The following ADAMTSL4 variants were observed in gnomAD, a reference collection of about 807,000 sequenced individuals.
The protein encoded by ADAMTSL4 is ADAMTS like 4.
A neutral mutation model predicts 122.8 loss-of-function variants in ADAMTSL4; 97 were observed. The observed-to-expected ratio is 0.79, with a 90% CI of 0.67 to 0.93. The LOEUF is 0.93. Ranked by LOEUF, ADAMTSL4 falls within the 40% of genes least tolerant of loss-of-function variation. The pLI is 0.00. For synonymous variants in ADAMTSL4, 592 were observed against 568.0 expected (o/e 1.04, Z -0.60); for missense variants, 1,408 against 1,453.5 (o/e 0.97, Z 0.51).
rs2101630315 is a variant in ADAMTSL4 at position 150,556,852 on chromosome 1, G to A, written c.1749+59G>A. ...GGAGGGAGGCTGTTCCCTCTGGGCA[G>A]AGCTGTGGTTGTCAAGATGGGAGAG... On this transcript the variant is annotated intron_variant, in intron 10 of 18. Coordinates refer to ENST00000271643, the MANE Select transcript of ADAMTSL4 (RefSeq NM_019032.6). This position sits in a 1 kb window ranked among gnomAD's most constrained non-coding sequence, Gnocchi z 4.1. 1.9e-6 allele frequency: 3 copies of A among 1,611,980 alleles called. No individual in the cohort carries two copies. Among genetic ancestry groups the A allele is most frequent in the East Asian group, 4.5e-5 (2 of 44,826 alleles).
rs587633196 is a variant in ADAMTSL4, at chr1:150,549,861, G to C, written c.-119G>C. 2.3e-4 allele frequency: 47 copies of C among 200,214 alleles called. No homozygotes were observed. In the South Asian group the frequency reaches 3.4e-3, roughly 15 times the overall value. The allele number at this position is 200,214 out of a possible 1,614,324, so 12.4% of individuals were successfully genotyped here. ...ACGGTGTGTCCCCCACTGCACTCCT[G>C]AACTTGGAGGACAGGGTCGCCGCGA... On this transcript the variant is annotated 5_prime_UTR_variant, in exon 2 of 19. Coordinates refer to ENST00000271643, the MANE Select transcript of ADAMTSL4 (RefSeq NM_019032.6). This position sits in a 1 kb window ranked among gnomAD's most constrained non-coding sequence, Gnocchi z 5.0.
intron 2 of ADAMTSL4, 178 bp downstream of exon 2, chr1:150,550,073 A>T (rs1671240011): frequency 2.7e-6 from 1 of 365,600 alleles, no homozygotes; most frequent in South Asian, 2.0e-5. Context: ...ACCACTCTCC[A>T]GCAGGGAGAC....
In ADAMTSL4 at chr1:150,558,844, G is replaced by A. The variant is rs144832337; in HGVS notation, c.2560-118G>A. The A allele has an allele frequency of 3.1e-3, 4,829 of 1,537,934 alleles. 127 individuals carry two copies. The African/African-American group carries it at 0.054, about 17-fold the overall frequency. On this transcript the variant is annotated intron_variant, in intron 15 of 18. Transcript: ENST00000271643. ...GATTCCTCGTCCGGGCCTGGTACCC[G>A]GGGACATTCCCAACCACCCAGGATT...
chr1:150,558,566 GGCCCCCCGCAGCCCCCCAGCA>G lies in ADAMTSL4; in HGVS notation c.2478_2498del (p.Pro827_Arg833del). On this transcript the variant is annotated inframe_deletion, in exon 15 of 19. Coordinates refer to ENST00000271643, the MANE Select transcript of ADAMTSL4 (RefSeq NM_019032.6). ...AGTGAGCGAGCAGGAGTGTGCGTCA[GGCCCCCCGCAGCCCCCCAGCA>G]GAGAGGCCTGTGACATGGGGCCCTG... 1 of 1,613,844 alleles carries G rather than the reference GGCCCCCCGCAGCCCCCCAGCA, an allele frequency of 6.2e-7. No homozygotes were observed. Among genetic ancestry groups the G allele is most frequent in the Non-Finnish European group, 8.5e-7 (1 of 1,179,922 alleles).
intron 14 of ADAMTSL4, 89 bp downstream of exon 14, chr1:150,558,238 A>G (rs1258751162): frequency 1.3e-6 from 2 of 1,591,018 alleles, no homozygotes; most frequent in Non-Finnish European, 1.7e-6. Context: ...TTTCATCAGC[A>G]GAAACTATTT....
chr1:150,556,458 G>T lies in ADAMTSL4; in HGVS notation c.1576+92G>T, dbSNP rs912888611. On this transcript the variant is annotated intron_variant, in intron 9 of 18. Transcript: ENST00000271643. The surrounding 1 kb of genome is among the most constrained non-coding windows in gnomAD (Gnocchi z 4.1). Reference sequence around the variant, plus strand: ...CAGTGAGCAAGCCAAACAGGGGGAAGTCCAGGGCCTAGCCCCTCCCCTCGT... The same window carrying T: ...CAGTGAGCAAGCCAAACAGGGGGAATTCCAGGGCCTAGCCCCTCCCCTCGT... 1.7e-5 allele frequency: 27 copies of T among 1,579,490 alleles called. No individual in the cohort carries two copies. The highest frequency in any genetic ancestry group is 9.1e-5 in the East Asian group (4 of 44,196).
At position 150,560,209 on chromosome 1, in the gene ADAMTSL4, GCACCTT is replaced by G; in HGVS notation, c.*17_*22del. The G allele has an allele frequency of 1.2e-6, 2 of 1,613,710 alleles. No individual in the cohort carries two copies. Among genetic ancestry groups the G allele is most frequent in the Non-Finnish European group, 1.7e-6 (2 of 1,179,854 alleles). The stretch of plus-strand genomic sequence containing the variant: ...GGATCCCTCCTGAAAGGGGTCCGGG[GCACCTT>G]CACGGTTTTCTGTGCCACCATCGGT... On this transcript the variant is annotated 3_prime_UTR_variant, in exon 19 of 19. Transcript: ENST00000271643.
At position 150,554,635 on chromosome 1, in the gene ADAMTSL4, G is replaced by A. The variant is rs1424219521; in HGVS notation, c.1234+168G>A. ...GCTGGGTCAGGAGACAGCACAGGTG[G>A]TGAGTGGTCTGCAGAAGGGTCGGGG... On this transcript the variant is annotated intron_variant, in intron 7 of 18. Coordinates refer to ENST00000271643, the MANE Select transcript of ADAMTSL4 (RefSeq NM_019032.6). The surrounding 1 kb of genome is among the most constrained non-coding windows in gnomAD (Gnocchi z 4.0). The A allele has an allele frequency of 3.2e-6, 5 of 1,542,496 alleles. No individual in the cohort carries two copies. The Admixed American group carries it at 5.9e-5, about 18-fold the overall frequency.
intron 8 of ADAMTSL4, chr1:150,555,903 T>G: frequency 1.6e-6 from 1 of 607,206 alleles, no homozygotes; most frequent in Middle Eastern, 4.4e-4. Flanking sequence ...TTGCACAGTC[T>G]CAATTCAACA....
chr1:150,556,756 C>A lies in ADAMTSL4; in HGVS notation c.1712C>A (p.Ser571Ter), dbSNP rs754125407. Residue 571 changes from serine (S) to a stop codon, truncating the protein, a stop_gained, in exon 10 of 19, where the codon TCG (serine) becomes TAG (stop). Coordinates refer to ENST00000271643, the MANE Select transcript of ADAMTSL4 (RefSeq NM_019032.6). LOFTEE classifies it high-confidence loss of function. The surrounding 1 kb of genome is among the most constrained non-coding windows in gnomAD (Gnocchi z 4.1). ...PREEGKGESL[S>*]AEGPTTQPVD... ...GAGGAGGGCAAAGGGGAGAGTCTGT[C>A]GGCTGAAGGCCCCACCACCCAGCCT... 8 of 1,613,320 alleles carry A rather than the reference C, an allele frequency of 5.0e-6. No individual in the cohort carries two copies. Among genetic ancestry groups the A allele is most frequent in the Non-Finnish European group, 6.8e-6 (8 of 1,179,578 alleles).
At chr1:150,550,390 CG>C in intron 2 of ADAMTSL4, 1 of 444,498 alleles carries the variant, frequency 2.2e-6, no homozygotes, top group Non-Finnish European at 4.5e-6. Flanking sequence ...AGGCCTGGCC[CG>C]GGCCCCGGGA....
rs769173185 is a variant in ADAMTSL4 at position 150,552,337 on chromosome 1, G to A, written c.20+29G>A. ...AGAGAAGGGGCCACGGGTTGGGGGG[G>A]AGGAAAAGGGGAGGTGCTGGGATGG... On this transcript the variant is annotated intron_variant, in intron 3 of 18. Transcript: ENST00000271643. This position sits in a 1 kb window ranked among gnomAD's most constrained non-coding sequence, Gnocchi z 4.0. 56 of 1,553,494 alleles carry A rather than the reference G, an allele frequency of 3.6e-5. No individual in the cohort carries two copies. The highest frequency in any genetic ancestry group is 1.7e-4 in the Middle Eastern group (1 of 5,996).
Position 150,556,527 on chromosome 1 carries a change from T to A in ADAMTSL4, c.1577-94T>A. The A allele has an allele frequency of 2.5e-6, 4 of 1,587,262 alleles. No homozygotes were observed. Among genetic ancestry groups the A allele is most frequent in the Non-Finnish European group, 3.5e-6 (4 of 1,157,944 alleles). Reference sequence around the variant, plus strand: ...GAGAGGGCTTGGGGGGATCTTAGGTTCTGGTGGGAGCTTCTATAGGCTAAG... The same window carrying A: ...GAGAGGGCTTGGGGGGATCTTAGGTACTGGTGGGAGCTTCTATAGGCTAAG... On this transcript the variant is annotated intron_variant, in intron 9 of 18. Coordinates refer to ENST00000271643, the MANE Select transcript of ADAMTSL4 (RefSeq NM_019032.6). This position sits in a 1 kb window ranked among gnomAD's most constrained non-coding sequence, Gnocchi z 4.1.
At chr1:150,555,677 G>A (rs1416926894) in intron 8 of ADAMTSL4, 112 bp downstream of exon 8, 4 of 1,475,670 alleles carry the variant, frequency 2.7e-6, no homozygotes, top group East Asian at 4.8e-5. Context: ...ACACATGCAA[G>A]CACATACACA....
In ADAMTSL4 at chr1:150,560,450, C is replaced by G. The variant is rs1672655543; in HGVS notation, c.*254C>G. ...CTGCATGGATATGTGTGTGCTCAAA[C>G]GTGTATCACTTTTCAAAAAGAGGTT... On this transcript the variant is annotated 3_prime_UTR_variant, in exon 19 of 19. Coordinates refer to ENST00000271643, the MANE Select transcript of ADAMTSL4 (RefSeq NM_019032.6). 1.7e-6 allele frequency: 1 copy of G among 575,424 alleles called. No individual in the cohort carries two copies. The highest frequency in any genetic ancestry group is 3.1e-6 in the Non-Finnish European group (1 of 324,034). 35.6% of individuals were successfully genotyped at this position (575,424 alleles called of 1,614,324 possible). A position where few individuals can be genotyped will look rare whatever the true frequency, so the allele number is the denominator to read the frequency against.
Position 150,557,576 on chromosome 1 carries a change from G to A in ADAMTSL4, c.2130G>A (p.Arg710=), listed in dbSNP as rs202093883. 2 of 1,604,436 alleles carry A rather than the reference G, an allele frequency of 1.2e-6. No homozygotes were observed. Among genetic ancestry groups the A allele is most frequent in the Non-Finnish European group, 1.7e-6 (2 of 1,176,170 alleles). The change falls in exon 13 of 19, where the codon AGG becomes AGA. Residue 710 remains arginine (R), a synonymous_variant. Coordinates refer to ENST00000271643, the MANE Select transcript of ADAMTSL4 (RefSeq NM_019032.6). The part of the protein sequence containing the change: ...LDERSCAAGA[R]PPASPEPCHG... ...AACGCAGCTGTGCCGCGGGTGCCAG[G>A]CCCCCAGCCTCCCCTGAACCCTGCC...
In ADAMTSL4 at chr1:150,558,995, C is replaced by A. The variant is rs752027574; in HGVS notation, c.2593C>A (p.Arg865Ser). The change falls in exon 16 of 19, where the codon CGC (arginine) becomes AGC (serine). Residue 865 changes from arginine (R) to serine (S), a missense_variant. Coordinates refer to ENST00000271643, the MANE Select transcript of ADAMTSL4 (RefSeq NM_019032.6). Reference sequence around the variant, plus strand: ...CGAGTGTGGGACGGGAATCCAGCGGCGCTCTGTGGTCTGCCTTGGGAGTGG... The same window carrying A: ...CGAGTGTGGGACGGGAATCCAGCGGAGCTCTGTGGTCTGCCTTGGGAGTGG... Reference protein sequence around the residue: ...SAECGTGIQRRSVVCLGSGAA... With the variant: ...SAECGTGIQRSSVVCLGSGAA... 4 of 1,611,050 alleles carry A rather than the reference C, an allele frequency of 2.5e-6. 1 individual carries two copies. In the South Asian group the frequency reaches 3.3e-5, roughly 13 times the overall value.
At position 150,553,788 on chromosome 1, in the gene ADAMTSL4, C is replaced by T. The variant is rs771998925; in HGVS notation, c.797C>T (p.Thr266Met). The change falls in exon 6 of 19, where the codon ACG (threonine) becomes ATG (methionine). Residue 266 changes from threonine (T) to methionine (M), a missense_variant. Physicochemically the swap from Thr to Met is moderately conservative, Grantham distance 81 (BLOSUM62 -1). Transcript: ENST00000271643. ...QASGTEPPSP[T>M]HSLGEGGFFR... ...TCTGGCACAGAGCCCCCCTCACCCA[C>T]GCACTCCTTAGGAGAAGGTGGCTTC... is the stretch of plus-strand genomic sequence containing the variant. 6.5e-5 allele frequency: 105 copies of T among 1,613,896 alleles called. No individual in the cohort carries two copies. In the South Asian group the frequency reaches 8.0e-4, roughly 12 times the overall value.
In ADAMTSL4 at chr1:150,557,340, G is replaced by T; in HGVS notation, c.2047+5G>T. On this transcript the variant is annotated splice_donor_5th_base_variant and intron_variant, in intron 12 of 18. Coordinates refer to ENST00000271643, the MANE Select transcript of ADAMTSL4 (RefSeq NM_019032.6). ...GCTCAGCGTCCTGCGGGAAAGGTGA[G>T]ACATCACAGTGCGTTCCCCGCATCT... 6.2e-7 allele frequency: 1 copy of T among 1,609,580 alleles called. No individual in the cohort carries two copies. The highest frequency in any genetic ancestry group is 8.5e-7 in the Non-Finnish European group (1 of 1,178,416).
Sources: allele counts gnomAD v4.1 joint callset, GRCh38; gene constraint gnomAD v4.1.1; non-coding constraint Gnocchi (gnomAD v3.1); transcripts MANE v1.5; gene names NCBI Gene and HGNC (gene_info 2026-07-23, HGNC 2026-07-21).